The following RNGTT variants were observed in gnomAD, a reference collection of about 807,000 sequenced individuals.
The protein encoded by RNGTT is RNA guanylyltransferase and 5'-phosphatase.
Under a neutral mutation model 79.3 loss-of-function variants are expected in RNGTT, and 33 were observed. The ratio of observed to expected loss-of-function variants is 0.42; its 90% CI spans 0.32 to 0.56. The LOEUF (loss-of-function observed/expected upper bound fraction) is 0.56, where lower values mean the gene tolerates loss of function less well. RNGTT is among the 20% of genes least tolerant of loss of function. The pLI, the probability that RNGTT is intolerant of heterozygous loss-of-function variation, is 0.17. For missense variants in RNGTT, 497 were observed against 739.1 expected (o/e 0.67, Z 3.80); for synonymous variants, 222 against 235.9 (o/e 0.94, Z 0.54).
chr6:88,958,943 T>C (rs1271449010), intron 1 of RNGTT, among the ~76,000 whole-genome samples: 1 of 152,144 alleles, frequency 6.6e-6, no homozygotes, highest in Admixed American at 6.5e-5. Context: ...ATTGCAAAAA[T>C]GTGGAACCAG....
intron 11 of RNGTT, among the ~76,000 whole-genome samples, chr6:88,823,720 A>G (rs1048397370): frequency 1.3e-5 from 2 of 152,194 alleles, no homozygotes; most frequent in East Asian, 3.8e-4. Flanking sequence ...TATAGACTCT[A>G]GGCCTTCATG....
chr6:88,831,452 A>G (rs1198232459), intron 11 of RNGTT, among the ~76,000 whole-genome samples: 1 of 152,202 alleles, frequency 6.6e-6, no homozygotes, highest in Non-Finnish European at 1.5e-5. Flanking sequence ...AAATAATAAG[A>G]GCTATTTATG....
At chr6:88,899,551 T>C (rs1296203628) in intron 6 of RNGTT, among the ~76,000 whole-genome samples, 1 of 152,004 alleles carries the variant, frequency 6.6e-6, no homozygotes, top group Non-Finnish European at 1.5e-5. Context: ...GTGCTGAGAT[T>C]ACAGGTGTGA....
At chr6:88,880,871 A>C (rs1562299664) in intron 8 of RNGTT, among the ~76,000 whole-genome samples, 1 of 152,214 alleles carries the variant, frequency 6.6e-6, no homozygotes, top group Non-Finnish European at 1.5e-5. Context: ...GCATTACAAA[A>C]TCTGCTAATA....
At chr6:88,651,268 A>G (rs1407244206) in intron 14 of RNGTT, among the ~76,000 whole-genome samples, 1 of 152,158 alleles carries the variant, frequency 6.6e-6, no homozygotes, top group Admixed American at 6.5e-5. Flanking sequence ...ATAATAATAT[A>G]CTATATATGA....
chr6:88,635,861 C>G (rs140975821), intron 14 of RNGTT, among the ~76,000 whole-genome samples: 1 of 151,994 alleles, frequency 6.6e-6, no homozygotes, highest in East Asian at 1.9e-4. Context: ...TAAACTAGAT[C>G]AAACTTGTAA....
At chr6:88,614,727 G>A (rs558145925) in intron 14 of RNGTT, among the ~76,000 whole-genome samples, 4 of 152,196 alleles carry the variant, frequency 2.6e-5, no homozygotes, top group African/African-American at 4.8e-5. Flanking sequence ...GTGTCTCTAC[G>A]GCTTTCAGAA....
At chr6:88,707,744 C>G in intron 13 of RNGTT, among the ~76,000 whole-genome samples, 1 of 129,130 alleles carries the variant, frequency 7.7e-6, no homozygotes, top group Non-Finnish European at 1.6e-5. Context: ...AAAAAAAAGG[C>G]AAACTGTAAA....
chr6:88,826,937 A>T (rs1235398583), intron 11 of RNGTT, among the ~76,000 whole-genome samples: 1 of 150,882 alleles, frequency 6.6e-6, no homozygotes, highest in Non-Finnish European at 1.5e-5. Flanking sequence ...TTCAACAATG[A>T]CCAACAGAAG....
At chr6:88,779,491 C>G (rs1395840891) in intron 12 of RNGTT, among the ~76,000 whole-genome samples, 1 of 152,100 alleles carries the variant, frequency 6.6e-6, no homozygotes, top group African/African-American at 2.4e-5. Flanking sequence ...ATATCATTCA[C>G]ATTCTCTTGC....
intron 1 of RNGTT, among the ~76,000 whole-genome samples, chr6:88,946,864 T>C (rs1384021128): frequency 2.2e-5 from 3 of 138,520 alleles, no homozygotes; most frequent in Non-Finnish European, 3.1e-5. Context: ...CGGGCCGGTC[T>C]CCAGCCCCTA....
chr6:88,713,016 C>G (rs968167032), intron 13 of RNGTT, among the ~76,000 whole-genome samples: 3 of 152,026 alleles, frequency 2.0e-5, no homozygotes, highest in Admixed American at 6.6e-5. Flanking sequence ...GTAACTTTTC[C>G]CCAACATATA....
chr6:88,666,153 G>C (rs1013810181), intron 14 of RNGTT, among the ~76,000 whole-genome samples: 1 of 152,098 alleles, frequency 6.6e-6, no homozygotes, highest in African/African-American at 2.4e-5. Context: ...TTTGAATGGG[G>C]GTCCCAACAG....
At chr6:88,739,759 A>ATGT in intron 13 of RNGTT, among the ~76,000 whole-genome samples, 1 of 63,276 alleles carries the variant, frequency 1.6e-5, no homozygotes, top group Non-Finnish European at 3.9e-5. Flanking sequence ...ATATATATAT[A>ATGT]TATATATATA....
At chr6:88,888,326 C>G (rs1403849067) in intron 8 of RNGTT, among the ~76,000 whole-genome samples, 1 of 152,156 alleles carries the variant, frequency 6.6e-6, no homozygotes, top group East Asian at 1.9e-4. Flanking sequence ...TTTTACGTAT[C>G]TATTAAAATG....
At chr6:88,826,087 T>C (rs1017191389) in intron 11 of RNGTT, among the ~76,000 whole-genome samples, 1 of 152,204 alleles carries the variant, frequency 6.6e-6, no homozygotes, top group African/African-American at 2.4e-5. Flanking sequence ...ACAGCACTTA[T>C]CTTACAATGA....
chr6:88,762,597 G>C (rs1778306530), intron 13 of RNGTT, among the ~76,000 whole-genome samples: 1 of 152,180 alleles, frequency 6.6e-6, no homozygotes, highest in African/African-American at 2.4e-5. Flanking sequence ...ATGACCAATA[G>C]TATATCTTGC....
chr6:88,689,305 A>G (rs1775391842), intron 13 of RNGTT, among the ~76,000 whole-genome samples: 1 of 151,660 alleles, frequency 6.6e-6, no homozygotes, highest in South Asian at 2.1e-4. Context: ...CATTTTTTAA[A>G]AAGTCTATAC....
chr6:88,706,498 A>C (rs1252966154), intron 13 of RNGTT, among the ~76,000 whole-genome samples: 1 of 152,088 alleles, frequency 6.6e-6, no homozygotes, highest in Non-Finnish European at 1.5e-5. Context: ...TCCTTGTCAG[A>C]TATCAGGTAA....
Sources: gnomAD v4.1 joint callset for allele counts (sites outside exome capture counted in the v4.1 genomes callset) on GRCh38, gnomAD v4.1.1 for gene constraint, MANE v1.5 for transcripts, NCBI Gene and HGNC (gene_info 2026-07-23, HGNC 2026-07-21) for gene names.